The following FBXO22 variants were observed in gnomAD, a reference collection of about 807,000 sequenced individuals.
The protein encoded by FBXO22 is F-box only protein 22.
Under a neutral mutation model 37.2 loss-of-function variants are expected in FBXO22, and 13 were observed. The ratio of observed to expected loss-of-function variants is 0.35; its 90% CI spans 0.23 to 0.56. FBXO22 has a LOEUF of 0.56. FBXO22 is among the 20% of genes least tolerant of loss of function. The probability of loss-of-function intolerance (pLI) is 0.87; values close to 1 mark genes in which losing one functional copy is unlikely to be tolerated. For synonymous variants in FBXO22, 189 were observed against 189.1 expected (o/e 1.00, Z 0.00); for missense variants, 446 against 509.9 (o/e 0.87, Z 1.21).
intron 6 of FBXO22, among the ~76,000 whole-genome samples, chr15:75,931,207 C>G (rs536618706): frequency 6.6e-6 from 1 of 152,274 alleles, no homozygotes; most frequent in East Asian, 1.9e-4. Context: ...CTTATAACAT[C>G]TGAGGTGCTA....
At position 75,940,348 on chromosome 15, in the gene FBXO22, A is replaced by G. The variant is rs931053309; in HGVS notation, c.*7246A>G. ...ATTGCTTCAATAAAGATAAAAATAA[A>G]CGGAAATACATCTCATGTTCATGGA... On this transcript the variant is annotated 3_prime_UTR_variant, in exon 7 of 7. Coordinates refer to ENST00000308275, the MANE Select transcript of FBXO22 (RefSeq NM_147188.3). 2.0e-5 allele frequency: 3 copies of G among 152,080 alleles called. No individual in the cohort carries two copies. Among genetic ancestry groups the G allele is most frequent in the African/African-American group, 4.8e-5 (2 of 41,418 alleles). 9.4% of individuals were successfully genotyped at this position (152,080 alleles called of 1,614,324 possible).
In FBXO22 at chr15:75,904,106, G is replaced by A; in HGVS notation, c.140+3G>A. On this transcript the variant is annotated splice_donor_region_variant and intron_variant, in intron 1 of 6. Coordinates refer to ENST00000308275, the MANE Select transcript of FBXO22 (RefSeq NM_147188.3). ...AAGGCGTTGCTGCGGGTGGCCTGGT[G>A]AGGAGAGGAGGCGGAGGCGGGAAGC... is the stretch of plus-strand genomic sequence containing the variant. 6.5e-7 allele frequency: 1 copy of A among 1,539,466 alleles called. No homozygotes were observed.
intron 5 of FBXO22, 102 bp from the exon 6 acceptor site, chr15:75,929,782 C>A: frequency 7.0e-7 from 1 of 1,420,672 alleles, no homozygotes; most frequent in South Asian, 1.3e-5. Context: ...CTAAATTGCC[C>A]TTAAGGTGGA....
intron 4 of FBXO22, among the ~76,000 whole-genome samples, chr15:75,916,340 G>C (rs967399186): frequency 1.6e-4 from 24 of 152,306 alleles, no homozygotes; most frequent in African/African-American, 5.3e-4. Flanking sequence ...TTTTCTCACA[G>C]TTTGGGAGGC....
In FBXO22 at chr15:75,938,537, G is replaced by C. The variant is rs1485157304; in HGVS notation, c.*5435G>C. Reference sequence around the variant, plus strand: ...AGGAAAACATGAACAAAGAATTAAAGAAATCAGGAAAATGATAAATGAACA... The same window carrying C: ...AGGAAAACATGAACAAAGAATTAAACAAATCAGGAAAATGATAAATGAACA... On this transcript the variant is annotated 3_prime_UTR_variant, in exon 7 of 7. Transcript: ENST00000308275. The C allele has an allele frequency of 6.6e-6, 1 of 152,018 alleles. No individual in the cohort carries two copies. The highest frequency in any genetic ancestry group is 1.9e-4 in the East Asian group (1 of 5,196). The allele number at this position is 152,018 out of a possible 1,614,324, so 9.4% of individuals were successfully genotyped here. A position where few individuals can be genotyped will look rare whatever the true frequency, so the allele number is the denominator to read the frequency against.
chr15:75,918,928 A>G (rs1219048088), intron 5 of FBXO22, among the ~76,000 whole-genome samples: 1 of 152,196 alleles, frequency 6.6e-6, no homozygotes, highest in Non-Finnish European at 1.5e-5. Context: ...GTTGTACAAC[A>G]TGGAGACTAT....
Position 75,917,226 on chromosome 15 carries a change from CT to C in FBXO22, c.464-3del, listed in dbSNP as rs564098027. The C allele has an allele frequency of 3.1e-6, 5 of 1,603,188 alleles. No homozygotes were observed. The highest frequency in any genetic ancestry group is 4.2e-6 in the Non-Finnish European group (5 of 1,176,902). ...TTGGTGAAACTGTTTAACTTTTTCT[CT>C]AGTGACTCCAATGGGATCAGGTAGC... is the stretch of plus-strand genomic sequence containing the variant. On this transcript the variant is annotated splice_region_variant and splice_polypyrimidine_tract_variant and intron_variant, in intron 4 of 6. Coordinates refer to ENST00000308275, the MANE Select transcript of FBXO22 (RefSeq NM_147188.3).
chr15:75,915,755 C>T (rs1034559918), intron 4 of FBXO22, among the ~76,000 whole-genome samples: 6 of 151,946 alleles, frequency 3.9e-5, no homozygotes, highest in Admixed American at 3.9e-4. Flanking sequence ...CAAAAATTAG[C>T]CAGGCATGAT....
At position 75,934,920 on chromosome 15, in the gene FBXO22, T is replaced by C. The variant is rs2030216280; in HGVS notation, c.*1818T>C. On this transcript the variant is annotated 3_prime_UTR_variant, in exon 7 of 7. Transcript: ENST00000308275. ...TAAACAAATTAATACTCATATAAAA[T>C]GTTTTGCTGCTTCTCAAAGAGTCTG... 6.6e-6 allele frequency: 1 copy of C among 152,228 alleles called. No individual in the cohort carries two copies. The highest frequency in any genetic ancestry group is 1.5e-5 in the Non-Finnish European group (1 of 68,034). The allele number at this position is 152,228 out of a possible 1,614,324, so 9.4% of individuals were successfully genotyped here. A position where few individuals can be genotyped will look rare whatever the true frequency, so the allele number is the denominator to read the frequency against.
At chr15:75,911,739 A>G (rs1900056818) in intron 2 of FBXO22, among the ~76,000 whole-genome samples, 2 of 151,858 alleles carry the variant, frequency 1.3e-5, no homozygotes, top group Non-Finnish European at 2.9e-5. Flanking sequence ...CTCTCTTCCT[A>G]TTTGAATATG....
intron 5 of FBXO22, among the ~76,000 whole-genome samples, chr15:75,921,434 A>T (rs960500694): frequency 7.2e-5 from 11 of 152,134 alleles, no homozygotes; most frequent in African/African-American, 2.7e-4. Flanking sequence ...GGTCCGAGGT[A>T]GGTGGATCCC....
intron 4 of FBXO22, among the ~76,000 whole-genome samples, chr15:75,916,862 CTT>C (rs60677043): frequency 0.92 from 139,495 of 152,018 alleles, 64,715 homozygotes; most frequent in East Asian, 1. Context: ...TTAGGGTAAA[CTT>C]TTAAAAATTG....
chr15:75,918,204 TA>T (rs1900231497), intron 5 of FBXO22, among the ~76,000 whole-genome samples: 1 of 152,008 alleles, frequency 6.6e-6, no homozygotes, highest in South Asian at 2.1e-4. Flanking sequence ...AAATGGGACT[TA>T]AACCAGCTGG....
rs748060190 is a variant in FBXO22, at chr15:75,935,264, A to C, written c.*2162A>C. The C allele has an allele frequency of 2.6e-5, 4 of 152,224 alleles. No homozygotes were observed. The highest frequency in any genetic ancestry group is 4.4e-5 in the Non-Finnish European group (3 of 68,036). 9.4% of individuals were successfully genotyped at this position (152,224 alleles called of 1,614,324 possible). On this transcript the variant is annotated 3_prime_UTR_variant, in exon 7 of 7. Coordinates refer to ENST00000308275, the MANE Select transcript of FBXO22 (RefSeq NM_147188.3). Reference sequence around the variant, plus strand: ...AGCATTAAAGGAGTATTAGCTAAAAACAAACTAAATTCCTAGAGATGACAA... The same window carrying C: ...AGCATTAAAGGAGTATTAGCTAAAACCAAACTAAATTCCTAGAGATGACAA...
chr15:75,906,886 TATTAA>T (rs1899941347), intron 2 of FBXO22, among the ~76,000 whole-genome samples: 1 of 152,314 alleles, frequency 6.6e-6, no homozygotes, highest in Non-Finnish European at 1.5e-5. Context: ...TAAATAAAGC[TATTAA>T]ATTATAGACT....
intron 4 of FBXO22, 88 bp from the exon 5 acceptor site, chr15:75,917,142 T>G: frequency 2.1e-6 from 2 of 936,184 alleles, no homozygotes; most frequent in Non-Finnish European, 3.2e-6. Flanking sequence ...TAGTGGCTTG[T>G]TAGCTTAATG....
chr15:75,915,667 C>T (rs559737243), intron 4 of FBXO22, among the ~76,000 whole-genome samples: 48 of 151,802 alleles, frequency 3.2e-4, no homozygotes, highest in Admixed American at 2.6e-4. Context: ...TTTGGGAGGC[C>T]GAGGTGGGTG....
rs1222509232 is a variant in FBXO22, at chr15:75,939,333, C to A, written c.*6231C>A. 1 of 151,970 alleles carries A rather than the reference C, an allele frequency of 6.6e-6. No individual in the cohort carries two copies. The highest frequency in any genetic ancestry group is 1.5e-5 in the Non-Finnish European group (1 of 67,952). 9.4% of individuals were successfully genotyped at this position (151,970 alleles called of 1,614,324 possible). A position where few individuals can be genotyped will look rare whatever the true frequency, so the allele number is the denominator to read the frequency against. On this transcript the variant is annotated 3_prime_UTR_variant, in exon 7 of 7. Transcript: ENST00000308275. ...ACAATCTAGATGAAATGCTCAAAGT[C>A]CTAGAAATGCAAAACGTACTACTGC... is the stretch of plus-strand genomic sequence containing the variant.
intron 2 of FBXO22, among the ~76,000 whole-genome samples, chr15:75,908,696 G>C (rs1232332203): frequency 6.6e-6 from 1 of 152,232 alleles, no homozygotes; most frequent in African/African-American, 2.4e-5. Context: ...TGGCAGTCTG[G>C]AAAGGCTTGC....
Sources: gnomAD v4.1 joint callset for allele counts (sites outside exome capture counted in the v4.1 genomes callset) on GRCh38, gnomAD v4.1.1 for gene constraint, MANE v1.5 for transcripts, NCBI Gene and HGNC (gene_info 2026-07-23, HGNC 2026-07-21) for gene names.